The following DNAH1 variants were observed in gnomAD, a reference collection of about 807,000 sequenced individuals.
The protein encoded by DNAH1 is dynein axonemal heavy chain 1, also known as axonemal beta dynein heavy chain 1.
Under a neutral mutation model 484.3 loss-of-function variants are expected in DNAH1, and 327 were observed. That is an observed-to-expected ratio of 0.68 (90% CI 0.62 to 0.74). The LOEUF is 0.74. Ranked by LOEUF, DNAH1 falls within the 30% of genes least tolerant of loss-of-function variation. The probability of loss-of-function intolerance (pLI) is 0.00; values close to 1 mark genes in which losing one functional copy is unlikely to be tolerated. For synonymous variants in DNAH1, 2,192 were observed against 2,191.9 expected (o/e 1.00, Z 0.00); for missense variants, 5,052 against 5,546.8 (o/e 0.91, Z 2.83).
chr3:52,350,235 G>A, intron 15 of DNAH1, 127 bp downstream of exon 15: 4 of 1,366,838 alleles, frequency 2.9e-6, no homozygotes, highest in Non-Finnish European at 4.0e-6. Context: ...TTGGACAGAG[G>A]ACAGATGGGG....
intron 5 of DNAH1, among the ~76,000 whole-genome samples, chr3:52,327,274 A>G (rs1701380404): frequency 6.6e-6 from 1 of 152,076 alleles, no homozygotes; most frequent in Non-Finnish European, 1.5e-5. Flanking sequence ...GGGATGGAAG[A>G]GGGAATCAGT....
Position 52,373,022 on chromosome 3 carries a change from C to T in DNAH1, c.6954C>T (p.Asp2318=), listed in dbSNP as rs763190043. The change falls in exon 44 of 78, where the codon GAC becomes GAT. Residue 2318 remains aspartate, a synonymous_variant. Coordinates refer to ENST00000420323, the MANE Select transcript of DNAH1 (RefSeq NM_015512.5). ...TCGAGCTGTTGCGCCAGTGGATGGA[C>T]CACGGCGGCTGGTACGACCGCAAGA... ...PPIELLRQWM[D]HGGWYDRKII... is the part of the protein sequence containing the mutation. The T allele has an allele frequency of 1.9e-6, 3 of 1,613,298 alleles. No homozygotes were observed. Among genetic ancestry groups the T allele is most frequent in the Non-Finnish European group, 2.5e-6 (3 of 1,179,782 alleles).
At position 52,326,163 on chromosome 3, in the gene DNAH1, G is replaced by T; in HGVS notation, c.430G>T (p.Asp144Tyr). 1 of 1,609,782 alleles carries T rather than the reference G, an allele frequency of 6.2e-7. No individual in the cohort carries two copies. The highest frequency in any genetic ancestry group is 1.1e-5 in the South Asian group (1 of 90,266). Residue 144 changes from aspartate to tyrosine, a missense_variant, in exon 4 of 78, where the codon GAC becomes TAC. Asp to Tyr is a radical substitution (Grantham distance 160). This residue lies in a region of DNAH1 where 1,263 missense variants were observed against 1,218.8 expected (regional missense o/e 1.04). Coordinates refer to ENST00000420323, the MANE Select transcript of DNAH1 (RefSeq NM_015512.5). ...AGTCGGAAGCTTTGAGGTTCCTGAA[G>T]ACTTCCAGGAGCGCATGGAGCAGCA... ...PRVGSFEVPEDFQERMEQQCI... is the reference protein window; with the variant it reads ...PRVGSFEVPEYFQERMEQQCI...
At position 52,392,688 on chromosome 3, in the gene DNAH1, A is replaced by G. The variant is rs1473412110; in HGVS notation, c.10277A>G (p.Gln3426Arg). ...EASKMKAAEIQAKVRIAEQTE... is the reference protein window; with the variant it reads ...EASKMKAAEIRAKVRIAEQTE... ...TCCAAGATGAAGGCTGCTGAGATCC[A>G]GGTCAGCTGCTGCCTGCCCACCCAC... The change falls in exon 64 of 78, where the codon CAG becomes CGG. Residue 3426 changes from glutamine (Q) to arginine (R), a missense_variant and splice_region_variant. By Grantham distance (43) the Gln-to-Arg change is conservative (BLOSUM62 1). This residue lies in a region of DNAH1 where 2,929 missense variants were observed against 3,409.4 expected (regional missense o/e 0.86). Coordinates refer to ENST00000420323, the MANE Select transcript of DNAH1 (RefSeq NM_015512.5). The G allele has an allele frequency of 1.9e-6, 3 of 1,596,468 alleles. No homozygotes were observed. Among genetic ancestry groups the G allele is most frequent in the Non-Finnish European group, 1.7e-6 (2 of 1,171,438 alleles).
chr3:52,316,161 T>G (rs1016614969), upstream of DNAH1, among the ~76,000 whole-genome samples: 2 of 152,216 alleles, frequency 1.3e-5, no homozygotes, highest in African/African-American at 2.4e-5. Context: ...TTGGCAACTT[T>G]CCAGGATTAG....
At chr3:52,360,832 T>C (rs2153224349) in intron 28 of DNAH1, among the ~76,000 whole-genome samples, 1 of 152,308 alleles carries the variant, frequency 6.6e-6, no homozygotes, top group Non-Finnish European at 1.5e-5. Flanking sequence ...AATAGTTCCC[T>C]CCTAGCTCAG....
rs779759080 is a variant in DNAH1 at position 52,396,912 on chromosome 3, C to G, written c.11655C>G (p.Val3885=). The G allele has an allele frequency of 3.7e-6, 6 of 1,606,832 alleles. No homozygotes were observed. In the Admixed American group the frequency reaches 1.0e-4, roughly 27 times the overall value. The change falls in exon 73 of 78, where the codon GTC becomes GTG. Residue 3885 remains valine, a synonymous_variant. Coordinates refer to ENST00000420323, the MANE Select transcript of DNAH1 (RefSeq NM_015512.5). ...TAGEINYGGR[V]TDDWDRRCIM... ...GGGAGATCAATTACGGGGGCCGTGT[C>G]ACTGATGACTGGGACCGGCGCTGCA...
rs762043332 is a variant in DNAH1 at position 52,327,999 on chromosome 3, G to A, written c.856G>A (p.Asp286Asn). The change falls in exon 6 of 78, where the codon GAC becomes AAC. Residue 286 changes from aspartate to asparagine, a missense_variant. By Grantham distance (23) the Asp-to-Asn change is conservative (BLOSUM62 1). Transcript: ENST00000420323. ...VPGKALLPTDDFLGHEDPKSQ... is the reference protein window; with the variant it reads ...VPGKALLPTDNFLGHEDPKSQ... ...GGGAAAAGCCCTCTTGCCCACTGATGACTTCCTGGGGCATGGTGAGCAAGG... is the reference window on the plus strand; with the variant it reads ...GGGAAAAGCCCTCTTGCCCACTGATAACTTCCTGGGGCATGGTGAGCAAGG... 3.7e-6 allele frequency: 6 copies of A among 1,613,878 alleles called. No individual in the cohort carries two copies. In the Admixed American group the frequency reaches 1.0e-4, roughly 27 times the overall value.
upstream of DNAH1, among the ~76,000 whole-genome samples, chr3:52,312,118 C>T (rs373426415): frequency 1.4e-4 from 22 of 152,304 alleles, no homozygotes; most frequent in African/African-American, 4.6e-4. Flanking sequence ...GGGCAGGGAC[C>T]GAGGGTCCAG....
rs745999185 is a variant in DNAH1 at position 52,332,150 on chromosome 3, C to T, written c.1042C>T (p.Pro348Ser). ...TCTCACCCGGCCCCCAGGAAGGCCA[C>T]CCCTTCAGGTCTGTCAGTACTGGGT... ...NAGVTTEGRP[P>S]LQVCQYWVPR... is the part of the protein sequence containing the mutation. The change falls in exon 8 of 78, where the codon CCC (proline) becomes TCC (serine). Residue 348 changes from proline (P) to serine (S), a missense_variant. Transcript: ENST00000420323. The T allele has an allele frequency of 2.0e-5, 31 of 1,558,106 alleles. No individual in the cohort carries two copies. The highest frequency in any genetic ancestry group is 3.9e-5 in the Admixed American group (2 of 51,644).
Position 52,388,613 on chromosome 3 carries a change from C to G in DNAH1, c.9363+4C>G, listed in dbSNP as rs369421920. On this transcript the variant is annotated splice_donor_region_variant and intron_variant, in intron 58 of 77. Coordinates refer to ENST00000420323, the MANE Select transcript of DNAH1 (RefSeq NM_015512.5). ...GCGGCTGGGCCGAGCTGGCAAGGTG[C>G]GCACCCTCCTCCTGCAAGGCCTGCA... 1 of 1,611,892 alleles carries G rather than the reference C, an allele frequency of 6.2e-7. No homozygotes were observed. The highest frequency in any genetic ancestry group is 8.5e-7 in the Non-Finnish European group (1 of 1,179,464).
Position 52,382,315 on chromosome 3 carries a change from T to C in DNAH1, c.7806-5T>C. The C allele has an allele frequency of 6.2e-7, 1 of 1,613,938 alleles. No individual in the cohort carries two copies. The highest frequency in any genetic ancestry group is 1.1e-5 in the South Asian group (1 of 91,086). On this transcript the variant is annotated splice_polypyrimidine_tract_variant and splice_region_variant and intron_variant, in intron 49 of 77. Coordinates refer to ENST00000420323, the MANE Select transcript of DNAH1 (RefSeq NM_015512.5). ...GCATGCTTCAACCCAAACTTCTGCC[T>C]CCAGGGCCGAGTACGAGTGCTTCCA...
At chr3:52,350,423 A>G (rs1193100153) in intron 15 of DNAH1, 85 bp from the exon 16 acceptor site, 15 of 1,301,680 alleles carry the variant, frequency 1.2e-5, no homozygotes, top group South Asian at 3.8e-5. Context: ...GCCCCTCTCT[A>G]GTACCCGTCT....
chr3:52,344,857 C>T (rs1559506917), intron 9 of DNAH1, among the ~76,000 whole-genome samples: 1 of 152,244 alleles, frequency 6.6e-6, no homozygotes, highest in Non-Finnish European at 1.5e-5. Context: ...TCTTTTTGAA[C>T]TTATTAGTGA....
At chr3:52,388,703 C>A (rs781670250) in intron 58 of DNAH1, 94 bp downstream of exon 58, 1 of 1,604,868 alleles carries the variant, frequency 6.2e-7, no homozygotes, top group African/African-American at 1.3e-5. Context: ...GGGTGGCTGT[C>A]CACACCCCCT....
intron 1 of DNAH1, among the ~76,000 whole-genome samples, chr3:52,320,037 C>T (rs1701088069): frequency 6.6e-6 from 1 of 152,196 alleles, no homozygotes. Context: ...CCTTATAATG[C>T]ACCAGTAAAG....
chr3:52,314,015 A>G (rs553685997), upstream of DNAH1, among the ~76,000 whole-genome samples: 10 of 152,260 alleles, frequency 6.6e-5, no homozygotes, highest in African/African-American at 4.8e-5. Context: ...CTGGTCCCCA[A>G]AGTGGCCAGC....
At position 52,395,097 on chromosome 3, in the gene DNAH1, C is replaced by G; in HGVS notation, c.10968+38C>G. ...ACCCTGGCAGGACTGGCACCTTGAG[C>G]TTGTCCCCACCCTGGGTCCCAGGGC... On this transcript the variant is annotated intron_variant, in intron 68 of 77. Coordinates refer to ENST00000420323, the MANE Select transcript of DNAH1 (RefSeq NM_015512.5). This position sits in a 1 kb window ranked among gnomAD's most constrained non-coding sequence, Gnocchi z 4.4. The G allele has an allele frequency of 6.3e-7, 1 of 1,585,886 alleles. No individual in the cohort carries two copies. The highest frequency in any genetic ancestry group is 8.6e-7 in the Non-Finnish European group (1 of 1,165,246).
At chr3:52,330,174 C>T (rs1701491657) in intron 6 of DNAH1, among the ~76,000 whole-genome samples, 1 of 152,194 alleles carries the variant, frequency 6.6e-6, no homozygotes, top group South Asian at 2.1e-4. Context: ...TGTGCATCTT[C>T]CTTCTGCAAA....
Sources: gnomAD v4.1 joint callset for allele counts (sites outside exome capture counted in the v4.1 genomes callset) on GRCh38, gnomAD v4.1.1 for gene constraint, gnomAD v4.1.1 regional missense constraint, Gnocchi (gnomAD v3.1) non-coding constraint, MANE v1.5 for transcripts, NCBI Gene and HGNC (gene_info 2026-07-23, HGNC 2026-07-21) for gene names.